Variants in CCDC12 observed in about 807,000 individuals in gnomAD.
CCDC12 encodes the protein coiled-coil domain containing 12.
A neutral mutation model predicts 25.7 loss-of-function variants in CCDC12; 28 were observed. The ratio of observed to expected loss-of-function variants is 1.09; its 90% confidence interval spans 0.81 to 1.50. The LOEUF is 1.50. CCDC12 is among the 40% of genes most tolerant of loss of function. The probability of loss-of-function intolerance (pLI) is 0.00; values close to 1 mark genes in which losing one functional copy is unlikely to be tolerated. For missense variants in CCDC12, 198 were observed against 210.0 expected (o/e 0.94, Z 0.35); for synonymous variants, 75 against 87.7 (o/e 0.86, Z 0.81).
chr3:46,969,711 T>C (rs566027923), intron 1 of CCDC12, among the ~76,000 whole-genome samples: 3 of 152,274 alleles, frequency 2.0e-5, no homozygotes, highest in Admixed American at 1.3e-4. Flanking sequence ...GCTGATGTGA[T>C]GGTCATCTGG....
intron 1 of CCDC12, among the ~76,000 whole-genome samples, chr3:46,951,798 A>AAAAAAAAATAT: frequency 7.1e-4 from 6 of 8,468 alleles, no homozygotes; most frequent in Non-Finnish European, 1.4e-3. Flanking sequence ...AAAAAAAAAA[A>AAAAAAAAATAT]ATATATATAT....
upstream of CCDC12, among the ~76,000 whole-genome samples, chr3:46,980,277 G>T (rs1340433455): frequency 6.6e-6 from 1 of 152,212 alleles, no homozygotes; most frequent in East Asian, 1.9e-4. Context: ...CTGGAGACTG[G>T]CCAGGAGGCT....
chr3:46,951,451 T>C (rs961466317), intron 1 of CCDC12, among the ~76,000 whole-genome samples: 1 of 151,842 alleles, frequency 6.6e-6, no homozygotes, highest in Non-Finnish European at 1.5e-5. Flanking sequence ...ACACCATAAA[T>C]ATACAGCTAT....
At chr3:46,932,575 G>A (rs1357228615) in intron 2 of CCDC12, among the ~76,000 whole-genome samples, 2 of 152,136 alleles carry the variant, frequency 1.3e-5, no homozygotes, top group Non-Finnish European at 2.9e-5. Flanking sequence ...CCCACCCCAA[G>A]CCTCCTGTCC....
intron 1 of CCDC12, among the ~76,000 whole-genome samples, chr3:46,941,360 C>T (rs2033697131): frequency 6.6e-6 from 1 of 152,096 alleles, no homozygotes; most frequent in Non-Finnish European, 1.5e-5. Context: ...CAGGAGATCG[C>T]AACCATCCTG....
chr3:46,941,027 T>C lies in CCDC12; in HGVS notation c.135A>G (p.Arg45=). ...GCTTCTCGCCTTCTTCCTCCTCTTC[T>C]CTGAGATGCTTGGTCTTTGGCTCCC... ...EDGEPKTKHL[R]EEEEEGEKHR... The change falls in exon 2 of 7, where the codon AGA becomes AGG. Residue 45 remains arginine (R), a synonymous_variant. Transcript: ENST00000683445. 1 of 1,614,218 alleles carries C rather than the reference T, an allele frequency of 6.2e-7. No homozygotes were observed. Among genetic ancestry groups the C allele is most frequent in the Non-Finnish European group, 8.5e-7 (1 of 1,180,042 alleles).
chr3:46,969,901 CTTTT>C (rs58273135), intron 1 of CCDC12, among the ~76,000 whole-genome samples: 101 of 111,156 alleles, frequency 9.1e-4, no homozygotes, highest in Non-Finnish European at 6.6e-4. Flanking sequence ...AGCCATATTT[CTTTT>C]TTTTTTTTTT....
chr3:46,972,665 G>A (rs767373216), intron 1 of CCDC12, among the ~76,000 whole-genome samples: 6 of 151,844 alleles, frequency 4.0e-5, no homozygotes, highest in Non-Finnish European at 7.4e-5. Context: ...TGGGCTTGGT[G>A]GCTCACACTT....
chr3:46,965,100 A>C (rs1257327828), intron 1 of CCDC12, among the ~76,000 whole-genome samples: 1 of 152,194 alleles, frequency 6.6e-6, no homozygotes, highest in African/African-American at 2.4e-5. Flanking sequence ...GGACACTGAG[A>C]GGGAAGCACA....
chr3:46,973,710 T>A (rs533965789), intron 1 of CCDC12, among the ~76,000 whole-genome samples: 1 of 149,688 alleles, frequency 6.7e-6, no homozygotes, highest in South Asian at 2.1e-4. Flanking sequence ...CCTCCCAGGT[T>A]CACGTCATTC....
intron 1 of CCDC12, among the ~76,000 whole-genome samples, chr3:46,961,441 G>A (rs2385868): frequency 0.95 from 143,918 of 152,236 alleles, 68,590 homozygotes; most frequent in East Asian, 1. Flanking sequence ...CCCCTGGCTC[G>A]GTAGGTCCAG....
upstream of CCDC12, among the ~76,000 whole-genome samples, chr3:46,980,991 C>T (rs1398069043): frequency 6.6e-6 from 1 of 152,196 alleles, no homozygotes. Context: ...CTGTCTTCCA[C>T]GGACCTGGAG....
upstream of CCDC12, chr3:46,977,092 T>C (rs948481219): frequency 6.2e-5 from 19 of 307,030 alleles, no homozygotes; most frequent in East Asian, 9.8e-4. Context: ...GCCCAAGTAC[T>C]AACCACACTA....
intron 1 of CCDC12, among the ~76,000 whole-genome samples, chr3:46,963,300 CTTAA>C (rs2034517937): frequency 6.6e-6 from 1 of 152,146 alleles, no homozygotes; most frequent in Admixed American, 6.6e-5. Context: ...AGTTTGTATG[CTTAA>C]TTAAAAAGAT....
rs546938966 is a variant in CCDC12 at position 46,949,767 on chromosome 3, G to A, written c.97-8702C>T. On this transcript the variant is annotated intron_variant, in intron 1 of 6. Transcript: ENST00000683445. ...CTGCTGGCCGGGCACAGTGGCTCAC[G>A]CCTGTAATCCCAGCACTTTGGGAGG... Among the ~76,000 whole-genome samples, 10 of 152,296 alleles carry A rather than the reference G, an allele frequency of 6.6e-5. No individual in the cohort carries two copies. In the East Asian group the frequency reaches 9.6e-4, roughly 15 times the overall value.
intron 1 of CCDC12, among the ~76,000 whole-genome samples, chr3:46,970,405 G>C (rs1289418667): frequency 6.6e-6 from 1 of 152,116 alleles, no homozygotes; most frequent in Non-Finnish European, 1.5e-5. Flanking sequence ...TGGATAACAG[G>C]CATGAGCCAC....
upstream of CCDC12, among the ~76,000 whole-genome samples, chr3:46,978,994 A>G (rs1451303368): frequency 1.3e-5 from 2 of 152,230 alleles, no homozygotes; most frequent in East Asian, 3.9e-4. Flanking sequence ...AAAACAAACA[A>G]AAAACAGAGC....
intron 2 of CCDC12, among the ~76,000 whole-genome samples, chr3:46,937,226 A>AT (rs1239460632): frequency 2.6e-5 from 4 of 152,146 alleles, no homozygotes; most frequent in Non-Finnish European, 5.9e-5. Context: ...ACAAGAGGCT[A>AT]TACCACCCAC....
intron 1 of CCDC12, among the ~76,000 whole-genome samples, chr3:46,964,445 G>A (rs1218421604): frequency 6.6e-6 from 1 of 152,280 alleles, no homozygotes; most frequent in African/African-American, 2.4e-5. Flanking sequence ...ACCCGTCTGG[G>A]AGGTGTACCC....
Sources: allele counts gnomAD v4.1 joint callset (sites outside exome capture counted in the v4.1 genomes callset), GRCh38; gene constraint gnomAD v4.1.1; transcripts MANE v1.5; gene names NCBI Gene and HGNC (gene_info 2026-07-23, HGNC 2026-07-21).